The following ZNHIT6 variants were observed in gnomAD, a reference collection of about 807,000 sequenced individuals.
The protein encoded by ZNHIT6 is box C/D snoRNA protein 1.
A neutral mutation model predicts 57.2 loss-of-function variants in ZNHIT6; 45 were observed. The ratio of observed to expected loss-of-function variants is 0.79; its 90% CI spans 0.62 to 1.01. ZNHIT6 has a LOEUF of 1.01. Among genes scored for constraint, ZNHIT6 ranks in the 50% least tolerant of loss-of-function variants. ZNHIT6 has a pLI of 0.00. For synonymous variants in ZNHIT6, 188 were observed against 190.0 expected (o/e 0.99, Z 0.09); for missense variants, 528 against 567.3 (o/e 0.93, Z 0.70).
At chr1:85,669,865 A>G (rs1021016330) in intron 8 of ZNHIT6, among the ~76,000 whole-genome samples, 13 of 152,142 alleles carry the variant, frequency 8.5e-5, no homozygotes, top group African/African-American at 3.1e-4. Flanking sequence ...CTAGTCTTGT[A>G]GATGTCTATA....
intron 8 of ZNHIT6, among the ~76,000 whole-genome samples, chr1:85,664,910 C>A (rs2100655163): frequency 6.6e-6 from 1 of 152,292 alleles, no homozygotes; most frequent in Admixed American, 6.5e-5. Context: ...CAGCTCACTG[C>A]AATCTCTGCT....
At position 85,678,719 on chromosome 1, in the gene ZNHIT6, T is replaced by C; in HGVS notation, c.1151A>G (p.Asp384Gly). ...AGCATACCTTTGACGAATTACAGGA[T>C]CAGACTTTTCAGGATCAATGTAAGG... ...LKPYIDPEKS[D>G]PVIRQRLKAY... Residue 384 changes from aspartate to glycine, a missense_variant, in exon 7 of 10, where the codon GAT becomes GGT. Asp to Gly is a moderately conservative substitution (Grantham distance 94). Transcript: ENST00000370574. 1.9e-6 allele frequency: 3 copies of C among 1,590,914 alleles called. No homozygotes were observed. The highest frequency in any genetic ancestry group is 2.6e-6 in the Non-Finnish European group (3 of 1,167,882).
intron 9 of ZNHIT6, among the ~76,000 whole-genome samples, chr1:85,657,161 GTTTAC>G (rs934660739): frequency 1.1e-4 from 16 of 152,070 alleles, no homozygotes; most frequent in Non-Finnish European, 1.9e-4. Flanking sequence ...AGCACAGTTA[GTTTAC>G]TTTAATCAGT....
At chr1:85,678,853 TTA>T in intron 6 of ZNHIT6, 72 bp from the exon 7 acceptor site, 1 of 827,034 alleles carries the variant, frequency 1.2e-6, no homozygotes, top group East Asian at 3.2e-5. Flanking sequence ...TAATTTTGAA[TTA>T]TTAAATATTG....
intron 5 of ZNHIT6, among the ~76,000 whole-genome samples, chr1:85,696,304 A>G (rs931626710): frequency 6.6e-6 from 1 of 152,016 alleles, no homozygotes; most frequent in Non-Finnish European, 1.5e-5. Context: ...ATCTTGCTTT[A>G]GAAACACCAA....
At chr1:85,686,026 A>G (rs1196218448) in intron 5 of ZNHIT6, among the ~76,000 whole-genome samples, 1 of 149,452 alleles carries the variant, frequency 6.7e-6, no homozygotes, top group Non-Finnish European at 1.5e-5. Flanking sequence ...CAGTGGTGCG[A>G]TCTCAGCTCA....
chr1:85,662,168 A>AC (rs970367211), intron 8 of ZNHIT6, among the ~76,000 whole-genome samples: 18 of 145,802 alleles, frequency 1.2e-4, no homozygotes, highest in African/African-American at 3.6e-4. Context: ...AAAAAAAAAA[A>AC]AAACCTCCTC....
At chr1:85,670,779 G>A (rs1661535616) in intron 8 of ZNHIT6, among the ~76,000 whole-genome samples, 1 of 152,146 alleles carries the variant, frequency 6.6e-6, no homozygotes, top group Admixed American at 6.5e-5. Context: ...AAGGACAAAT[G>A]GAAGACTCAT....
intron 5 of ZNHIT6, among the ~76,000 whole-genome samples, chr1:85,695,419 A>C (rs1394667534): frequency 6.6e-6 from 1 of 152,240 alleles, no homozygotes; most frequent in Non-Finnish European, 1.5e-5. Context: ...ATACTGGTAT[A>C]TATGTGGGTA....
chr1:85,677,424 A>C (rs1013175534), intron 7 of ZNHIT6, 111 bp from the exon 8 acceptor site: 4 of 701,672 alleles, frequency 5.7e-6, no homozygotes, highest in African/African-American at 5.5e-5. Context: ...TCATGTATTT[A>C]AGCATAGAAA....
At chr1:85,657,202 T>A (rs1308854516) in intron 9 of ZNHIT6, among the ~76,000 whole-genome samples, 1 of 152,162 alleles carries the variant, frequency 6.6e-6, no homozygotes, top group Non-Finnish European at 1.5e-5. Context: ...TGAGTCATTT[T>A]ATGTACTAAA....
chr1:85,660,088 C>G (rs1661183058), intron 8 of ZNHIT6, among the ~76,000 whole-genome samples: 1 of 152,040 alleles, frequency 6.6e-6, no homozygotes, highest in Non-Finnish European at 1.5e-5. Flanking sequence ...AACATTATTT[C>G]TCTTTGAAAT....
chr1:85,674,344 A>T (rs966899112), intron 8 of ZNHIT6, among the ~76,000 whole-genome samples: 2 of 151,544 alleles, frequency 1.3e-5, no homozygotes, highest in African/African-American at 4.9e-5. Context: ...TATGTTTCTC[A>T]GGCTTGTCTC....
Position 85,654,075 on chromosome 1 carries a change from C to T in ZNHIT6, c.1396G>A (p.Val466Ile), listed in dbSNP as rs139748327. Residue 466 changes from valine (V) to isoleucine (I), a missense_variant, in exon 10 of 10, where the codon GTT (valine) becomes ATT (isoleucine). Val to Ile is a conservative substitution (Grantham distance 29). Transcript: ENST00000370574. ...AAAAATGCTCAATTTTCATTGCCAA[C>T]GTTCTTGGTAGATTCACTCTTCACT... is the stretch of plus-strand genomic sequence containing the variant. Reference protein sequence around the residue: ...HQVKSESTKNVGNEN With the variant: ...HQVKSESTKNIGNEN The T allele has an allele frequency of 3.0e-4, 476 of 1,611,936 alleles. 3 individuals carry two copies. In the East Asian group the frequency reaches 0.01, roughly 35 times the overall value.
At chr1:85,696,455 G>A (rs1289802917) in intron 5 of ZNHIT6, among the ~76,000 whole-genome samples, 1 of 151,802 alleles carries the variant, frequency 6.6e-6, no homozygotes. Context: ...GGAATTCCAT[G>A]GTATGAAGGT....
chr1:85,649,851 T>G lies in ZNHIT6; in HGVS notation c.*4207A>C, dbSNP rs1194031000. 1.3e-5 allele frequency: 2 copies of G among 151,798 alleles called. No individual in the cohort carries two copies. The highest frequency in any genetic ancestry group is 4.8e-5 in the African/African-American group (2 of 41,290). The allele number at this position is 151,798 out of a possible 1,614,324, so 9.4% of individuals were successfully genotyped here. A position where few individuals can be genotyped will look rare whatever the true frequency, so the allele number is the denominator to read the frequency against. ...CAACATGATGTCAAATAAAAATGGA[T>G]GGCATTAAAAAAAAAATCCAAAAAC... On this transcript the variant is annotated 3_prime_UTR_variant, in exon 10 of 10. Transcript: ENST00000370574.
At chr1:85,689,277 A>C (rs1322787875) in intron 5 of ZNHIT6, among the ~76,000 whole-genome samples, 1 of 152,238 alleles carries the variant, frequency 6.6e-6, no homozygotes, top group East Asian at 1.9e-4. Flanking sequence ...ACAGGCATTT[A>C]ATCTTTTAAA....
At chr1:85,705,232 G>C (rs1394077486) in intron 4 of ZNHIT6, among the ~76,000 whole-genome samples, 3 of 151,656 alleles carry the variant, frequency 2.0e-5, no homozygotes, top group African/African-American at 7.3e-5. Flanking sequence ...TTTTTCTTTT[G>C]AGACAGAGTC....
intron 8 of ZNHIT6, among the ~76,000 whole-genome samples, chr1:85,664,495 C>T (rs1661310234): frequency 6.6e-6 from 1 of 152,150 alleles, no homozygotes; most frequent in South Asian, 2.1e-4. Flanking sequence ...TGCCATTCTC[C>T]TGAATCTTCA....
Sources: allele counts gnomAD v4.1 joint callset (sites outside exome capture counted in the v4.1 genomes callset), GRCh38; gene constraint gnomAD v4.1.1; transcripts MANE v1.5; gene names NCBI Gene and HGNC (gene_info 2026-07-23, HGNC 2026-07-21).